Variants in SENP5 observed in about 807,000 individuals in gnomAD.
SENP5 encodes the protein sentrin-specific protease 5.
In SENP5, 21 loss-of-function variants were observed where a neutral mutation model predicts 74.2. The observed-to-expected ratio is 0.28, with a 90% CI of 0.20 to 0.41. The LOEUF (loss-of-function observed/expected upper bound fraction) is 0.41, where lower values mean the gene tolerates loss of function less well. Among genes scored for constraint, SENP5 ranks in the 10% least tolerant of loss-of-function variants. The probability of loss-of-function intolerance (pLI) is 1.00; values close to 1 mark genes in which losing one functional copy is unlikely to be tolerated. For synonymous variants in SENP5, 311 were observed against 312.7 expected (o/e 0.99, Z 0.06); for missense variants, 717 against 889.1 (o/e 0.81, Z 2.46).
intron 2 of SENP5, 72 bp from the exon 3 acceptor site, chr3:196,899,590 TTAAG>T: frequency 3.6e-6 from 3 of 843,100 alleles, no homozygotes; most frequent in Admixed American, 1.8e-5. Context: ...TGTGTATAGG[TTAAG>T]TGTTTGGAGA....
intron 8 of SENP5, among the ~76,000 whole-genome samples, chr3:196,928,343 G>A (rs1715893103): frequency 6.6e-6 from 1 of 152,192 alleles, no homozygotes; most frequent in African/African-American, 2.4e-5. Context: ...CACCATGCTT[G>A]GCCCATGACA....
chr3:196,893,133 G>A (rs762619958), intron 2 of SENP5, among the ~76,000 whole-genome samples: 1 of 152,168 alleles, frequency 6.6e-6, no homozygotes, highest in Non-Finnish European at 1.5e-5. Flanking sequence ...CTTCATGGCT[G>A]TGCTAATTCA....
At position 196,886,445 on chromosome 3, in the gene SENP5, G is replaced by T; in HGVS notation, c.1264G>T (p.Val422Leu). ...GTCAGTGTCTGGAGCAGATACATCT[G>T]TGAGTAGCGTAGATGGGCCTGTGTC... ...KLSVSGADTS[V>L]SSVDGPVSQK... Residue 422 changes from valine to leucine, a missense_variant, in exon 2 of 10, where the codon GTG becomes TTG. Physicochemically the swap from Val to Leu is conservative, Grantham distance 32. Transcript: ENST00000323460. The T allele has an allele frequency of 6.2e-7, 1 of 1,610,116 alleles. No homozygotes were observed. Among genetic ancestry groups the T allele is most frequent in the South Asian group, 1.1e-5 (1 of 90,512 alleles).
intron 2 of SENP5, among the ~76,000 whole-genome samples, chr3:196,889,319 G>A (rs1018892068): frequency 6.6e-6 from 1 of 152,034 alleles, no homozygotes; most frequent in African/African-American, 2.4e-5. Context: ...ACCCACAAAT[G>A]CCAGTTAACC....
intron 2 of SENP5, among the ~76,000 whole-genome samples, chr3:196,897,802 T>C (rs1252058972): frequency 1.3e-5 from 2 of 152,190 alleles, no homozygotes; most frequent in Non-Finnish European, 2.9e-5. Flanking sequence ...TCAGCATTGG[T>C]GAACAACCTA....
At chr3:196,908,548 G>A (rs1308921565) in intron 6 of SENP5, among the ~76,000 whole-genome samples, 3 of 152,212 alleles carry the variant, frequency 2.0e-5, no homozygotes, top group Admixed American at 1.3e-4. Flanking sequence ...AAGCGGCTGG[G>A]CGTGGTGACT....
At chr3:196,926,679 C>T (rs1033667385) in intron 7 of SENP5, among the ~76,000 whole-genome samples, 3 of 149,480 alleles carry the variant, frequency 2.0e-5, no homozygotes, top group Non-Finnish European at 4.4e-5. Context: ...CACTCTGTCC[C>T]CTGGGTTGGA....
intron 2 of SENP5, among the ~76,000 whole-genome samples, chr3:196,892,292 C>T (rs1041003155): frequency 3.3e-5 from 5 of 151,858 alleles, no homozygotes; most frequent in African/African-American, 9.7e-5. Flanking sequence ...CACAGAGGTG[C>T]GCCACTATAT....
chr3:196,925,712 G>A (rs796065469), intron 7 of SENP5, among the ~76,000 whole-genome samples: 32 of 152,270 alleles, frequency 2.1e-4, no homozygotes, highest in African/African-American at 7.0e-4. Flanking sequence ...GGTTTAAGTC[G>A]ATTTTGAATC....
intron 8 of SENP5, 53 bp from the exon 9 acceptor site, chr3:196,929,580 C>T: frequency 8.6e-7 from 1 of 1,160,988 alleles, no homozygotes. Context: ...TTTTTCTTAT[C>T]TGAAGAGAAG....
At chr3:196,884,592 G>GA (rs1327664868) in intron 1 of SENP5, among the ~76,000 whole-genome samples, 2 of 150,932 alleles carry the variant, frequency 1.3e-5, no homozygotes, top group Non-Finnish European at 2.9e-5. Context: ...TTTCTCTGGG[G>GA]AAAAAAATGG....
intron 1 of SENP5, among the ~76,000 whole-genome samples, chr3:196,879,977 A>C (rs4916572): frequency 1.3e-5 from 2 of 151,848 alleles, no homozygotes; most frequent in Admixed American, 6.6e-5. Flanking sequence ...ACATGGTCTC[A>C]CTCTGTTGCC....
chr3:196,872,856 C>T (rs987754908), intron 1 of SENP5, among the ~76,000 whole-genome samples: 1 of 152,084 alleles, frequency 6.6e-6, no homozygotes, highest in Non-Finnish European at 1.5e-5. Context: ...CTGTGCTGTT[C>T]TAGTCTAGAG....
At position 196,900,622 on chromosome 3, in the gene SENP5, G is replaced by A. The variant is rs138411161; in HGVS notation, c.1806+210G>A. Among the ~76,000 whole-genome samples the A allele has an allele frequency of 7.1e-3, 1,081 of 152,164 alleles. 8 individuals carry two copies. Among genetic ancestry groups the A allele is most frequent in the African/African-American group, 0.025 (1,025 of 41,506 alleles). ...CTTTTTGAGATGGAGTTTTGCTCTTGTTGCCCAGGCTGGAGTGCAGTGGCG... is the reference window on the plus strand; with the variant it reads ...CTTTTTGAGATGGAGTTTTGCTCTTATTGCCCAGGCTGGAGTGCAGTGGCG... On this transcript the variant is annotated intron_variant, in intron 5 of 9. Transcript: ENST00000323460.
At chr3:196,928,021 A>T in intron 8 of SENP5, 142 bp downstream of exon 8, 1 of 552,398 alleles carries the variant, frequency 1.8e-6, no homozygotes, top group East Asian at 3.0e-5. Flanking sequence ...CTGAGAATGA[A>T]CTTCAGTTGA....
intron 6 of SENP5, among the ~76,000 whole-genome samples, chr3:196,908,918 G>T (rs1049103305): frequency 6.6e-6 from 1 of 152,030 alleles, no homozygotes; most frequent in African/African-American, 2.4e-5. Context: ...TAAGATCAGA[G>T]CAGAACTGAA....
intron 1 of SENP5, among the ~76,000 whole-genome samples, chr3:196,883,185 G>T (rs968153115): frequency 7.9e-5 from 12 of 152,064 alleles, no homozygotes; most frequent in Admixed American, 4.6e-4. Context: ...GGGTGGGGGA[G>T]GGTCACTTAC....
intron 7 of SENP5, among the ~76,000 whole-genome samples, chr3:196,925,167 G>GT (rs11304524): frequency 0.17 from 25,335 of 146,640 alleles, 2,660 homozygotes; most frequent in Admixed American, 0.22. Flanking sequence ...CTCATTTTGC[G>GT]TTTTTTTTTT....
At chr3:196,879,977 A>G (rs4916572) in intron 1 of SENP5, among the ~76,000 whole-genome samples, 34,303 of 151,912 alleles carry the variant, frequency 0.23, 4,020 homozygotes, top group African/African-American at 0.29. Context: ...ACATGGTCTC[A>G]CTCTGTTGCC....
Sources: allele counts gnomAD v4.1 joint callset (sites outside exome capture counted in the v4.1 genomes callset), GRCh38; gene constraint gnomAD v4.1.1; transcripts MANE v1.5; gene names NCBI Gene and HGNC (gene_info 2026-07-23, HGNC 2026-07-21).